The following GRIN2B variants were observed in gnomAD, a reference collection of about 807,000 sequenced individuals.
GRIN2B encodes glutamate receptor ionotropic, NMDA 2B.
Under a neutral mutation model 114.5 loss-of-function variants are expected in GRIN2B, and 5 were observed. The observed-to-expected ratio is 0.04, with a 90% confidence interval of 0.02 to 0.09. The LOEUF (loss-of-function observed/expected upper bound fraction) is 0.09. Among genes scored for constraint, GRIN2B ranks in the 10% least tolerant of loss-of-function variants. GRIN2B has a pLI of 1.00. For missense variants in GRIN2B, 1,108 were observed against 1,943.5 expected, an observed-to-expected ratio of 0.57 and a Z score of 8.08; for synonymous variants, 787 against 745.1, an observed-to-expected ratio of 1.06 and a Z score of -0.92.
chr12:13,751,176 C>T (rs1007078866), intron 4 of GRIN2B, among the ~76,000 whole-genome samples: 3 of 152,090 alleles, frequency 2.0e-5, no homozygotes, highest in Middle Eastern at 3.4e-3. Flanking sequence ...AGGAAGGTAG[C>T]GTGCAAGGCA....
intron 3 of GRIN2B, among the ~76,000 whole-genome samples, chr12:13,841,533 T>C (rs1428154858): frequency 2.0e-5 from 3 of 152,302 alleles, no homozygotes; most frequent in African/African-American, 4.8e-5. Flanking sequence ...CACTGTGCTG[T>C]AATTTCTGTC....
At chr12:13,728,145 G>C (rs1389131714) in intron 4 of GRIN2B, among the ~76,000 whole-genome samples, 1 of 152,166 alleles carries the variant, frequency 6.6e-6, no homozygotes, top group African/African-American at 2.4e-5. Context: ...AGGAAATGGT[G>C]GTTGAATAAT....
intron 4 of GRIN2B, among the ~76,000 whole-genome samples, chr12:13,679,584 T>C (rs1950109309): frequency 6.6e-6 from 1 of 152,166 alleles, no homozygotes; most frequent in South Asian, 2.1e-4. Context: ...CAAAATATTC[T>C]TCTCCAAAGT....
At chr12:13,667,051 TA>T (rs1291155628) in intron 5 of GRIN2B, among the ~76,000 whole-genome samples, 3 of 152,116 alleles carry the variant, frequency 2.0e-5, no homozygotes, top group African/African-American at 7.2e-5. Context: ...AACCACAGAA[TA>T]GAAACAGCGC....
chr12:13,577,754 G>C (rs1426944320), intron 10 of GRIN2B, among the ~76,000 whole-genome samples: 2 of 151,956 alleles, frequency 1.3e-5, no homozygotes, highest in East Asian at 3.9e-4. Flanking sequence ...GCAAATATTT[G>C]CCCAGCATCT....
intron 3 of GRIN2B, among the ~76,000 whole-genome samples, chr12:13,855,049 GAAAAAAAAA>G (rs3082840): frequency 1.1e-5 from 1 of 88,028 alleles, no homozygotes; most frequent in South Asian, 3.9e-4. Context: ...CATCTCTACT[GAAAAAAAAA>G]AAAAAAAAAA....
chr12:13,886,913 T>G (rs1866169121), intron 2 of GRIN2B, among the ~76,000 whole-genome samples: 1 of 152,208 alleles, frequency 6.6e-6, no homozygotes, highest in Admixed American at 6.5e-5. Context: ...CACTTAATCT[T>G]CACACAACCC....
intron 2 of GRIN2B, among the ~76,000 whole-genome samples, chr12:13,912,523 T>C (rs1866642264): frequency 6.6e-6 from 1 of 152,152 alleles, no homozygotes. Context: ...AAGAGAGCAA[T>C]GGGCTCACTT....
At chr12:13,632,835 A>T (rs1949628169) in intron 5 of GRIN2B, among the ~76,000 whole-genome samples, 1 of 152,202 alleles carries the variant, frequency 6.6e-6, no homozygotes, top group African/African-American at 2.4e-5. Flanking sequence ...AATCACCTGT[A>T]ATGTGATTAA....
chr12:13,546,050 A>G lies in GRIN2B; in HGVS notation c.*16733T>C, dbSNP rs998373837. On this transcript the variant is annotated 3_prime_UTR_variant, in exon 14 of 14. Coordinates refer to ENST00000609686, the MANE Select transcript of GRIN2B (RefSeq NM_000834.5). ...TAGTGATTTCACTGGAGATGGGAAG[A>G]TATAATTTTATTTAACAGATTTTCT... The G allele has an allele frequency of 4.6e-5, 7 of 152,204 alleles. No homozygotes were observed. Among genetic ancestry groups the G allele is most frequent in the African/African-American group, 1.7e-4 (7 of 41,452 alleles). 9.4% of individuals were successfully genotyped at this position (152,204 alleles called of 1,614,324 possible).
chr12:13,714,171 G>A (rs962082891), intron 4 of GRIN2B, among the ~76,000 whole-genome samples: 2 of 151,810 alleles, frequency 1.3e-5, no homozygotes, highest in Admixed American at 6.6e-5. Flanking sequence ...ACTCCTGATG[G>A]ATTGGAGATG....
intron 3 of GRIN2B, among the ~76,000 whole-genome samples, chr12:13,862,674 C>CA (rs1047943210): frequency 5.3e-5 from 8 of 151,388 alleles, no homozygotes; most frequent in African/African-American, 1.9e-4. Flanking sequence ...AAAAACAAAA[C>CA]AAAACAAAAA....
rs1863511844 is a variant in GRIN2B at position 13,753,049 on chromosome 12, G to C, written c.1010+268C>G. On this transcript the variant is annotated intron_variant, in intron 4 of 13. Coordinates refer to ENST00000609686, the MANE Select transcript of GRIN2B (RefSeq NM_000834.5). The surrounding 1 kb of genome is among the most constrained non-coding windows in gnomAD (Gnocchi z 6.2). ...AACAATTGTTAAAACCTGACTTATA[G>C]AGTTATTTTGAGGATCAAATGAAAC... is the stretch of plus-strand genomic sequence containing the variant. Among the ~76,000 whole-genome samples, 1 of 152,166 alleles carries C rather than the reference G, an allele frequency of 6.6e-6. No homozygotes were observed. The highest frequency in any genetic ancestry group is 2.1e-4 in the South Asian group (1 of 4,824).
chr12:13,823,491 G>A (rs1190319580), intron 3 of GRIN2B, among the ~76,000 whole-genome samples: 1 of 151,848 alleles, frequency 6.6e-6, no homozygotes, highest in Non-Finnish European at 1.5e-5. Context: ...AAATACAATT[G>A]ATTTTTGTAT....
chr12:13,827,224 G>GTTTTTT (rs759572450), intron 3 of GRIN2B, among the ~76,000 whole-genome samples: 9 of 34,476 alleles, frequency 2.6e-4, no homozygotes, highest in Non-Finnish European at 3.6e-4. Context: ...CCTTATTGTT[G>GTTTTTT]TTTTCTTTTT....
At chr12:13,567,901 TAGA>T (rs1286467251) in intron 12 of GRIN2B, among the ~76,000 whole-genome samples, 6 of 152,144 alleles carry the variant, frequency 3.9e-5, no homozygotes, top group East Asian at 1.9e-4. Flanking sequence ...CTTTATATTA[TAGA>T]CAGTGGGGAA....
chr12:13,909,382 C>T (rs1866594941), intron 2 of GRIN2B, among the ~76,000 whole-genome samples: 1 of 152,196 alleles, frequency 6.6e-6, no homozygotes, highest in Non-Finnish European at 1.5e-5. Context: ...GTTGAATGGT[C>T]AGTAATAACA....
intron 10 of GRIN2B, among the ~76,000 whole-genome samples, chr12:13,575,895 T>G (rs1012244601): frequency 6.6e-6 from 1 of 152,196 alleles, no homozygotes; most frequent in African/African-American, 2.4e-5. Flanking sequence ...AAAAAAATAC[T>G]TAATACCTGG....
At chr12:13,942,369 TG>T (rs1257512260) in intron 2 of GRIN2B, among the ~76,000 whole-genome samples, 1 of 141,614 alleles carries the variant, frequency 7.1e-6, no homozygotes, top group Non-Finnish European at 1.5e-5. Flanking sequence ...CTACATACTA[TG>T]TCTATACTTC....
Sources: gnomAD v4.1 joint callset for allele counts (sites outside exome capture counted in the v4.1 genomes callset) on GRCh38, gnomAD v4.1.1 for gene constraint, Gnocchi (gnomAD v3.1) non-coding constraint, MANE v1.5 for transcripts, NCBI Gene and HGNC (gene_info 2026-07-23, HGNC 2026-07-21) for gene names.